SLC39A11: variants seen among roughly 807,000 people sequenced by gnomAD.
The protein encoded by SLC39A11 is zinc transporter ZIP11.
SLC39A11 carries 33 observed loss-of-function variants against 36.1 expected under a neutral mutation model. That is an observed-to-expected ratio of 0.91 (90% CI 0.69 to 1.22). SLC39A11 has a LOEUF of 1.22. SLC39A11 is among the 50% of genes most tolerant of loss of function. SLC39A11 has a pLI of 0.00. For synonymous variants in SLC39A11, 166 were observed against 170.3 expected, an observed-to-expected ratio of 0.97 and a Z score of 0.20; for missense variants, 432 against 430.3, an observed-to-expected ratio of 1.00 and a Z score of -0.03.
At chr17:72,940,593 T>G (rs2085044118) in intron 5 of SLC39A11, among the ~76,000 whole-genome samples, 2 of 152,236 alleles carry the variant, frequency 1.3e-5, no homozygotes, top group African/African-American at 2.4e-5. Context: ...TCTTTCTCGC[T>G]GCACTCTTTG....
intron 2 of SLC39A11, among the ~76,000 whole-genome samples, chr17:73,088,292 T>C (rs1473140043): frequency 1.4e-5 from 2 of 139,746 alleles, no homozygotes; most frequent in Non-Finnish European, 1.5e-5. Context: ...AGATTCTGTC[T>C]CAAAAAAAAA....
At chr17:72,818,452 G>A (rs908512683) in intron 6 of SLC39A11, among the ~76,000 whole-genome samples, 19 of 152,188 alleles carry the variant, frequency 1.2e-4, no homozygotes, top group South Asian at 2.1e-4. Flanking sequence ...CACAAGGATG[G>A]CTTAGACTCG....
intron 4 of SLC39A11, among the ~76,000 whole-genome samples, chr17:72,978,692 C>T (rs1568059036): frequency 6.6e-6 from 1 of 151,996 alleles, no homozygotes; most frequent in Non-Finnish European, 1.5e-5. Flanking sequence ...AGTCAGGAGG[C>T]CAGGTTCTGG....
At chr17:72,934,985 T>A (rs1173978491) in intron 5 of SLC39A11, among the ~76,000 whole-genome samples, 1 of 152,170 alleles carries the variant, frequency 6.6e-6, no homozygotes, top group East Asian at 1.9e-4. Context: ...AGGTTTCCTA[T>A]CACATGACCC....
intron 5 of SLC39A11, among the ~76,000 whole-genome samples, chr17:72,860,654 CT>C (rs2079929796): frequency 6.6e-6 from 1 of 152,164 alleles, no homozygotes; most frequent in South Asian, 2.1e-4. Context: ...GCACGTTCCT[CT>C]TTTCTTACTT....
intron 7 of SLC39A11, among the ~76,000 whole-genome samples, chr17:72,654,433 T>C (rs1045744765): frequency 2.6e-5 from 4 of 152,194 alleles, no homozygotes; most frequent in African/African-American, 2.4e-5. Flanking sequence ...ACCAATTTCA[T>C]GTGCAAGCTG....
intron 6 of SLC39A11, chr17:72,838,082 G>C: frequency 1.2e-6 from 1 of 807,076 alleles, no homozygotes. Flanking sequence ...CCAGCAGTTC[G>C]AGGCCACCCT....
rs74636541 is a variant in SLC39A11 at position 72,744,438 on chromosome 17, A to C, written c.602-7719T>G. ...GGGACACTTACAGAAAAAAAAAATT[A>C]AACTCTTATATTAATAGAACATTCT... On this transcript the variant is annotated intron_variant, in intron 6 of 9. Coordinates refer to ENST00000255559, the MANE Select transcript of SLC39A11 (RefSeq NM_139177.4). 2.0e-5 allele frequency among the ~76,000 whole-genome samples: 3 copies of C among 152,248 alleles called. No individual in the cohort carries two copies. The East Asian group carries it at 5.8e-4, about 29-fold the overall frequency.
rs535529094 is a variant in SLC39A11, at chr17:72,735,378, C to T, written c.671+1272G>A. ...ACAGGCCCCACGCAGGCTTGGTAAC[C>T]AGGGAAGGATGGAAAAGGGGTTATG... On this transcript the variant is annotated intron_variant, in intron 7 of 9. Coordinates refer to ENST00000255559, the MANE Select transcript of SLC39A11 (RefSeq NM_139177.4). Among the ~76,000 whole-genome samples, 31 of 152,162 alleles carry T rather than the reference C, an allele frequency of 2.0e-4. 1 individual carries two copies. The highest frequency in any genetic ancestry group is 5.8e-4 in the African/African-American group (24 of 41,502).
Position 72,958,783 on chromosome 17 carries a change from G to A in SLC39A11, c.307-10908C>T, listed in dbSNP as rs569924228. On this transcript the variant is annotated intron_variant, in intron 4 of 9. Coordinates refer to ENST00000255559, the MANE Select transcript of SLC39A11 (RefSeq NM_139177.4). ...CAAGAATTGCTTGAACCTGGGAGGCGGAGGTTGCAGTGAGCCAAGAATGTG... is the reference window on the plus strand; with the variant it reads ...CAAGAATTGCTTGAACCTGGGAGGCAGAGGTTGCAGTGAGCCAAGAATGTG... Among the ~76,000 whole-genome samples the A allele has an allele frequency of 1.1e-4, 16 of 151,838 alleles. No homozygotes were observed. The East Asian group carries it at 1.6e-3, about 15-fold the overall frequency.
intron 5 of SLC39A11, among the ~76,000 whole-genome samples, chr17:72,921,805 G>A (rs1367236635): frequency 3.3e-5 from 5 of 152,078 alleles, no homozygotes; most frequent in South Asian, 4.1e-4. Context: ...AAGACACAGC[G>A]TTATTTTATG....
intron 6 of SLC39A11, among the ~76,000 whole-genome samples, chr17:72,767,762 G>C (rs941659997): frequency 6.6e-6 from 1 of 152,220 alleles, no homozygotes; most frequent in African/African-American, 2.4e-5. Context: ...ATGGGCAGAT[G>C]AAACGACATT....
chr17:72,833,458 C>CA (rs1250637384), intron 6 of SLC39A11, among the ~76,000 whole-genome samples: 3 of 152,324 alleles, frequency 2.0e-5, no homozygotes, highest in Non-Finnish European at 4.4e-5. Flanking sequence ...GTCATTCCCA[C>CA]AGGGAGGCAA....
At chr17:72,841,859 C>T (rs1489981860) in intron 6 of SLC39A11, among the ~76,000 whole-genome samples, 4 of 151,110 alleles carry the variant, frequency 2.6e-5, no homozygotes, top group Admixed American at 6.6e-5. Context: ...CCCAGGAGTT[C>T]GAGACTAGCC....
chr17:73,044,676 C>G (rs953807638), intron 3 of SLC39A11, among the ~76,000 whole-genome samples: 1 of 152,018 alleles, frequency 6.6e-6, no homozygotes, highest in Non-Finnish European at 1.5e-5. Context: ...GAGTTCAAGA[C>G]CAGCCTGGCC....
intron 4 of SLC39A11, among the ~76,000 whole-genome samples, chr17:72,969,827 C>G (rs186033765): frequency 1.3e-5 from 2 of 152,288 alleles, no homozygotes; most frequent in Admixed American, 1.3e-4. Flanking sequence ...AAAATTATGA[C>G]ACAGGCCACA....
chr17:73,078,740 A>T (rs1188984637), intron 3 of SLC39A11, among the ~76,000 whole-genome samples: 2 of 151,912 alleles, frequency 1.3e-5, no homozygotes, highest in Non-Finnish European at 2.9e-5. Flanking sequence ...CAGGTGATCC[A>T]CTTGCCTCAG....
intron 6 of SLC39A11, among the ~76,000 whole-genome samples, chr17:72,757,080 C>A (rs772872351): frequency 5.9e-5 from 9 of 151,618 alleles, no homozygotes; most frequent in African/African-American, 2.2e-4. Context: ...GCAGGAGAAT[C>A]GCTTGAAACC....
intron 4 of SLC39A11, among the ~76,000 whole-genome samples, chr17:73,028,472 CTT>C (rs1399073949): frequency 6.6e-6 from 1 of 152,212 alleles, no homozygotes; most frequent in Non-Finnish European, 1.5e-5. Flanking sequence ...AAGCACAACT[CTT>C]TCAACAACAT....
Sources: gnomAD v4.1 joint callset for allele counts (sites outside exome capture counted in the v4.1 genomes callset) on GRCh38, gnomAD v4.1.1 for gene constraint, MANE v1.5 for transcripts, NCBI Gene and HGNC (gene_info 2026-07-23, HGNC 2026-07-21) for gene names.